Variants in RIPOR2 observed in about 807,000 individuals in gnomAD.
The protein encoded by RIPOR2 is RHO family interacting cell polarization regulator 2, also known as rho family-interacting cell polarization regulator 2.
In RIPOR2, 39 loss-of-function variants were observed where a neutral mutation model predicts 114.5. That is an observed-to-expected ratio of 0.34 (90% confidence interval 0.26 to 0.44). The LOEUF is 0.44. Ranked by LOEUF, RIPOR2 falls within the 20% of genes least tolerant of loss-of-function variation. The pLI is 1.00. For synonymous variants in RIPOR2, 445 were observed against 484.4 expected (o/e 0.92, Z 1.07); for missense variants, 1,007 against 1,255.1 (o/e 0.80, Z 2.99).
intron 1 of RIPOR2, among the ~76,000 whole-genome samples, chr6:24,876,734 C>T (rs999309774): frequency 8.6e-5 from 13 of 152,028 alleles, no homozygotes; most frequent in African/African-American, 3.1e-4. Context: ...CAAGGGCGGT[C>T]GGGGGGAAGG....
intron 20 of RIPOR2, among the ~76,000 whole-genome samples, chr6:24,810,061 G>A (rs930471739): frequency 4.6e-5 from 7 of 152,166 alleles, no homozygotes; most frequent in African/African-American, 1.4e-4. Context: ...ATGTTGCCCA[G>A]GCTAGTCGAA....
At chr6:24,931,588 T>C (rs1771393363) in intron 1 of RIPOR2, among the ~76,000 whole-genome samples, 1 of 152,262 alleles carries the variant, frequency 6.6e-6, no homozygotes, top group African/African-American at 2.4e-5. Context: ...AGTATTCTCA[T>C]GCTCAGTTGC....
chr6:24,845,574 T>C (rs974260411), intron 12 of RIPOR2, among the ~76,000 whole-genome samples: 1 of 152,158 alleles, frequency 6.6e-6, no homozygotes, highest in African/African-American at 2.4e-5. Context: ...GCCATTTGTC[T>C]TGAGACTCCA....
At chr6:24,925,455 G>A (rs1247475652) in intron 1 of RIPOR2, among the ~76,000 whole-genome samples, 2 of 152,056 alleles carry the variant, frequency 1.3e-5, no homozygotes, top group South Asian at 4.1e-4. Flanking sequence ...TGTAATCCCA[G>A]CACTTTGGGA....
chr6:24,873,930 G>C lies in RIPOR2; in HGVS notation c.189-131C>G, dbSNP rs930211146. 2.5e-5 allele frequency: 19 copies of C among 759,538 alleles called. No individual in the cohort carries two copies. The South Asian group carries it at 3.4e-4, about 14-fold the overall frequency. The allele number at this position is 759,538 out of a possible 1,614,324, so 47.0% of individuals were successfully genotyped here. ...CTTCTGTCATCCAGGCTGGAGTATG[G>C]TGGTGTGATCATAGCTCACTGCAGC... On this transcript the variant is annotated intron_variant, in intron 2 of 21. Transcript: ENST00000643898.
rs570729427 is a variant in RIPOR2, at chr6:24,921,539, A to G, written c.61+14299T>C. 5.9e-4 allele frequency among the ~76,000 whole-genome samples: 90 copies of G among 151,970 alleles called. 1 individual carries two copies. The highest frequency in any genetic ancestry group is 1.1e-3 in the Non-Finnish European group (72 of 67,990). On this transcript the variant is annotated intron_variant, in intron 1 of 21. Coordinates refer to ENST00000643898, the MANE Select transcript of RIPOR2 (RefSeq NM_001286445.3). ...CCTGGAACACTCTCCCCAGACCTCC[A>G]TATGTTCAGACCTTGACTTCAAACC...
intron 1 of RIPOR2, among the ~76,000 whole-genome samples, chr6:25,036,036 C>T (rs1003587300): frequency 1.3e-5 from 2 of 152,130 alleles, no homozygotes; most frequent in African/African-American, 2.4e-5. Flanking sequence ...AGCCCTCCTT[C>T]GAAGTCCCAC....
intron 21 of RIPOR2, among the ~76,000 whole-genome samples, chr6:24,808,149 C>T (rs1037001294): frequency 1.3e-5 from 2 of 152,060 alleles, no homozygotes; most frequent in South Asian, 2.1e-4. Context: ...GTGAGAGGGC[C>T]CAGGGCTGAT....
At chr6:24,988,673 G>T (rs4712870) in intron 1 of RIPOR2, among the ~76,000 whole-genome samples, 3 of 151,640 alleles carry the variant, frequency 2.0e-5, no homozygotes, top group African/African-American at 7.3e-5. Flanking sequence ...ATCTGGTTGT[G>T]TGTGTGTGTG....
At chr6:24,953,359 G>A (rs560633314) in intron 1 of RIPOR2, among the ~76,000 whole-genome samples, 1 of 152,132 alleles carries the variant, frequency 6.6e-6, no homozygotes, top group South Asian at 2.1e-4. Context: ...AAGGTTAAAT[G>A]AAATCATAAG....
At chr6:24,876,927 A>T in intron 1 of RIPOR2, 1 of 974,526 alleles carries the variant, frequency 1.0e-6, no homozygotes, top group Non-Finnish European at 1.2e-6. Context: ...TTCCTTTTAG[A>T]TCAGGAGGAG....
In RIPOR2 at chr6:24,836,809, T is replaced by TACAC. The variant is rs10623077; in HGVS notation, c.2040-942_2040-939dup. On this transcript the variant is annotated intron_variant, in intron 14 of 21. Transcript: ENST00000643898. ...CATAGCAGCCAATACATATTTAAAA[T>TACAC]ACACACACACACACACACACACTCT... Among the ~76,000 whole-genome samples the TACAC allele has an allele frequency of 4.6e-3, 686 of 150,654 alleles. 1 individual carries two copies. The highest frequency in any genetic ancestry group is 0.024 in the Middle Eastern group (7 of 292).
chr6:24,834,522 G>A (rs1400770103), intron 15 of RIPOR2, among the ~76,000 whole-genome samples: 2 of 151,860 alleles, frequency 1.3e-5, no homozygotes, highest in Non-Finnish European at 2.9e-5. Context: ...CAAAGTGCTG[G>A]GTTTGAAAAT....
Position 25,037,569 on chromosome 6 carries a change from C to T in RIPOR2, c.76+4282G>A, listed in dbSNP as rs1193674632. Among the ~76,000 whole-genome samples, 1 of 152,138 alleles carries T rather than the reference C, an allele frequency of 6.6e-6. No individual in the cohort carries two copies. The highest frequency in any genetic ancestry group is 1.5e-5 in the Non-Finnish European group (1 of 68,030). ...CACACATGTGTGTCTTTGTAGTGAC[C>T]TTTGGCCTCTTTTAAAATTCAAATA... On this transcript the variant is annotated intron_variant, in intron 1 of 13. Coordinates refer to the RIPOR2 transcript ENST00000510784. This position sits in a 1 kb window ranked among gnomAD's most constrained non-coding sequence, Gnocchi z 4.5.
intron 10 of RIPOR2, 85 bp downstream of exon 10, chr6:24,850,512 A>T: frequency 6.7e-7 from 1 of 1,483,856 alleles, no homozygotes. Flanking sequence ...GAGGGGCAAC[A>T]GGCAGGGGTC....
rs183593563 is a variant in RIPOR2, at chr6:24,887,799, A to G, written c.62-11982T>C. Among the ~76,000 whole-genome samples the G allele has an allele frequency of 2.0e-4, 31 of 152,350 alleles. No individual in the cohort carries two copies. The East Asian group carries it at 6.0e-3, about 29-fold the overall frequency. ...GACACCATTTTAGCCCTGGGGAAAAATGAAAACTATTTCTTCTCCTTTTCT... is the reference window on the plus strand; with the variant it reads ...GACACCATTTTAGCCCTGGGGAAAAGTGAAAACTATTTCTTCTCCTTTTCT... On this transcript the variant is annotated intron_variant, in intron 1 of 21. Transcript: ENST00000643898.
chr6:24,931,809 G>A (rs915681975), intron 1 of RIPOR2: 1 of 152,144 alleles, frequency 6.6e-6, no homozygotes, highest in Non-Finnish European at 1.5e-5. Flanking sequence ...AAATGGAGGC[G>A]GGGCGGGTTG....
rs547628075 is a variant in RIPOR2 at position 24,893,141 on chromosome 6, A to G, written c.62-17324T>C. The stretch of plus-strand genomic sequence containing the variant: ...GCTTTAAGATACTTCAACAGCAACA[A>G]TCACCAAAGGGATCGATCAAGCATG... On this transcript the variant is annotated intron_variant, in intron 1 of 21. Coordinates refer to ENST00000643898, the MANE Select transcript of RIPOR2 (RefSeq NM_001286445.3). Among the ~76,000 whole-genome samples, 3 of 152,370 alleles carry G rather than the reference A, an allele frequency of 2.0e-5. No homozygotes were observed. In the South Asian group the frequency reaches 6.2e-4, roughly 32 times the overall value.
chr6:25,018,463 A>AT (rs1561846226), intron 1 of RIPOR2, among the ~76,000 whole-genome samples: 2 of 152,122 alleles, frequency 1.3e-5, no homozygotes, highest in African/African-American at 4.8e-5. Flanking sequence ...TTCTTTCTCC[A>AT]TTTTTTAAAA....
Sources: allele counts gnomAD v4.1 joint callset (sites outside exome capture counted in the v4.1 genomes callset), GRCh38; gene constraint gnomAD v4.1.1; non-coding constraint Gnocchi (gnomAD v3.1); transcripts MANE v1.5; gene names NCBI Gene and HGNC (gene_info 2026-07-23, HGNC 2026-07-21).